Variants in CDH12 observed in about 807,000 individuals in gnomAD.
CDH12 encodes the protein cadherin 12.
A neutral mutation model predicts 74.1 loss-of-function variants in CDH12; 41 were observed. The ratio of observed to expected loss-of-function variants is 0.55; its 90% CI spans 0.43 to 0.72. The LOEUF (loss-of-function observed/expected upper bound fraction) is 0.72, where lower values mean the gene tolerates loss of function less well. Among genes scored for constraint, CDH12 ranks in the 30% least tolerant of loss-of-function variants. The pLI is 0.00. For missense variants in CDH12, 945 were observed against 977.2 expected, an observed-to-expected ratio of 0.97 and a Z score of 0.44; for synonymous variants, 399 against 355.0, an observed-to-expected ratio of 1.12 and a Z score of -1.39.
At chr5:21,878,971 G>GA (rs1336441466) in intron 6 of CDH12, among the ~76,000 whole-genome samples, 1 of 151,810 alleles carries the variant, frequency 6.6e-6, no homozygotes, top group African/African-American at 2.4e-5. Flanking sequence ...AGGAAAAAAA[G>GA]AAAAAAGAGA....
chr5:22,399,912 C>CA (rs1317722362), intron 3 of CDH12, among the ~76,000 whole-genome samples: 1 of 152,158 alleles, frequency 6.6e-6, no homozygotes, highest in Non-Finnish European at 1.5e-5. Context: ...TTATAACCAA[C>CA]AAAATCTCTT....
At chr5:21,994,995 C>G (rs1345242326) in intron 5 of CDH12, among the ~76,000 whole-genome samples, 2 of 152,102 alleles carry the variant, frequency 1.3e-5, no homozygotes, top group Non-Finnish European at 2.9e-5. Flanking sequence ...CTGCTGCTCA[C>G]TCTTTGGGTC....
Position 22,231,726 on chromosome 5 carries a change from C to A in CDH12, c.-332-19083G>T, listed in dbSNP as rs76740620. Among the ~76,000 whole-genome samples, 13 of 151,990 alleles carry A rather than the reference C, an allele frequency of 8.6e-5. No individual in the cohort carries two copies. In the East Asian group the frequency reaches 2.5e-3, roughly 29 times the overall value. On this transcript the variant is annotated intron_variant, in intron 3 of 14. Coordinates refer to ENST00000382254, the MANE Select transcript of CDH12 (RefSeq NM_004061.5). ...AAATGACCTCCAAATAAACAGAACA[C>A]AAAAACTGCAAGAATTCCAAAGCTT...
intron 1 of CDH12, among the ~76,000 whole-genome samples, chr5:22,593,168 A>G (rs1265778369): frequency 6.6e-6 from 1 of 151,906 alleles, no homozygotes; most frequent in Non-Finnish European, 1.5e-5. Context: ...ATCCCTTTCT[A>G]TGGGACACCG....
intron 1 of CDH12, among the ~76,000 whole-genome samples, chr5:22,567,504 A>G (rs926937955): frequency 6.6e-6 from 1 of 152,164 alleles, no homozygotes; most frequent in Non-Finnish European, 1.5e-5. Context: ...CAAGAATCAC[A>G]TGTAGTTTAG....
chr5:22,319,433 G>A (rs903386511), intron 3 of CDH12, among the ~76,000 whole-genome samples: 2 of 152,112 alleles, frequency 1.3e-5, no homozygotes, highest in African/African-American at 4.8e-5. Flanking sequence ...TTACACAGAT[G>A]CTAGCAGCAC....
intron 2 of CDH12, among the ~76,000 whole-genome samples, chr5:22,429,816 G>T (rs1467983095): frequency 6.6e-6 from 1 of 152,128 alleles, no homozygotes; most frequent in East Asian, 1.9e-4. Flanking sequence ...GAAGTTGCTA[G>T]GTTGTTAGTA....
chr5:22,726,897 TA>T (rs1287850523), intron 1 of CDH12, among the ~76,000 whole-genome samples: 1 of 151,870 alleles, frequency 6.6e-6, no homozygotes, highest in African/African-American at 2.4e-5. Flanking sequence ...AGAATACTTA[TA>T]TATTGTTTTA....
chr5:22,531,634 T>A (rs1262417357), intron 1 of CDH12, among the ~76,000 whole-genome samples: 1 of 152,134 alleles, frequency 6.6e-6, no homozygotes, highest in Non-Finnish European at 1.5e-5. Flanking sequence ...TTAGTTATAA[T>A]GGTATTTTTT....
At chr5:21,933,959 G>A (rs1001827622) in intron 6 of CDH12, among the ~76,000 whole-genome samples, 1 of 152,194 alleles carries the variant, frequency 6.6e-6, no homozygotes, top group South Asian at 2.1e-4. Context: ...TACTATCTAT[G>A]GATTCTGGCC....
intron 1 of CDH12, among the ~76,000 whole-genome samples, chr5:22,802,119 ATT>A (rs397883677): frequency 0.014 from 1,683 of 123,468 alleles, 6 homozygotes; most frequent in African/African-American, 0.035. Flanking sequence ...TTAAATTCGT[ATT>A]TTTTTTTTTT....
intron 5 of CDH12, among the ~76,000 whole-genome samples, chr5:22,004,768 CCCA>C (rs375194765): frequency 2.6e-5 from 4 of 152,192 alleles, no homozygotes; most frequent in African/African-American, 9.6e-5. Flanking sequence ...AAACATTGTA[CCCA>C]ATAGGTTATT....
intron 6 of CDH12, among the ~76,000 whole-genome samples, chr5:21,903,777 C>T (rs915188320): frequency 6.6e-6 from 1 of 151,810 alleles, no homozygotes; most frequent in Non-Finnish European, 1.5e-5. Flanking sequence ...TCAAAAGATA[C>T]AGTGAGAAAA....
At chr5:21,906,191 T>A (rs1033816374) in intron 6 of CDH12, among the ~76,000 whole-genome samples, 2 of 152,210 alleles carry the variant, frequency 1.3e-5, no homozygotes, top group East Asian at 1.9e-4. Context: ...TTTCTTGAAA[T>A]AGGATATTTT....
chr5:22,633,448 T>C (rs1241011134), intron 1 of CDH12, among the ~76,000 whole-genome samples: 2 of 152,212 alleles, frequency 1.3e-5, no homozygotes, highest in Admixed American at 6.5e-5. Context: ...ATGTCAACTT[T>C]ACTGGGTCAC....
intron 4 of CDH12, among the ~76,000 whole-genome samples, chr5:22,153,872 G>GTATATATATATATATATAAATGTA (rs369725207): frequency 8.1e-6 from 1 of 123,504 alleles, no homozygotes; most frequent in Non-Finnish European, 1.6e-5. Context: ...ATATATATAT[G>GTATATATATATATATATAAATGTA]TATATATATA....
At chr5:22,481,774 T>C (rs1446474917) in intron 2 of CDH12, among the ~76,000 whole-genome samples, 1 of 152,152 alleles carries the variant, frequency 6.6e-6, no homozygotes, top group African/African-American at 2.4e-5. Context: ...AGATCTGCTG[T>C]ACAACACAGT....
chr5:22,557,800 T>C (rs2126743837), intron 1 of CDH12, among the ~76,000 whole-genome samples: 1 of 152,246 alleles, frequency 6.6e-6, no homozygotes, highest in South Asian at 2.1e-4. Flanking sequence ...ACTAATCTAA[T>C]TAGTCATTAG....
rs1049257181 is a variant in CDH12, at chr5:21,928,070, T to TA, written c.526+47020dup. ...CTGGGAGACAGAGCGAGACTCTTCC[T>TA]AAAAAAAAAATAAAAGAATGATGGT... On this transcript the variant is annotated intron_variant, in intron 6 of 14. Coordinates refer to ENST00000382254, the MANE Select transcript of CDH12 (RefSeq NM_004061.5). 4.3e-4 allele frequency among the ~76,000 whole-genome samples: 64 copies of TA among 148,576 alleles called. 1 individual carries two copies. Among genetic ancestry groups the TA allele is most frequent in the East Asian group, 2.0e-3 (10 of 5,074 alleles).
Sources: allele counts gnomAD v4.1 joint callset (sites outside exome capture counted in the v4.1 genomes callset), GRCh38; gene constraint gnomAD v4.1.1; transcripts MANE v1.5; gene names NCBI Gene and HGNC (gene_info 2026-07-23, HGNC 2026-07-21).